The following ITK variants were observed in gnomAD, a reference collection of about 807,000 sequenced individuals.
ITK encodes tyrosine-protein kinase ITK/TSK.
A neutral mutation model predicts 87.6 loss-of-function variants in ITK; 45 were observed. The ratio of observed to expected loss-of-function variants is 0.51; its 90% CI spans 0.40 to 0.66. The LOEUF (loss-of-function observed/expected upper bound fraction) is 0.66. Among genes scored for constraint, ITK ranks in the 30% least tolerant of loss-of-function variants. ITK has a pLI of 0.00. For synonymous variants in ITK, 303 were observed against 273.6 expected (o/e 1.11, Z -1.06); for missense variants, 605 against 766.3 (o/e 0.79, Z 2.48).
chr5:157,244,507 G>T, intron 13 of ITK, 29 bp downstream of exon 13: 2 of 1,276,732 alleles, frequency 1.6e-6, no homozygotes, highest in South Asian at 1.2e-5. Context: ...AACACCCACA[G>T]GTCCAGGGTA....
chr5:157,197,303 C>T (rs1207765891), intron 1 of ITK, among the ~76,000 whole-genome samples: 4 of 152,154 alleles, frequency 2.6e-5, no homozygotes, highest in Non-Finnish European at 2.9e-5. Flanking sequence ...TGGGGTTATG[C>T]GGTTACAAGG....
At chr5:157,226,868 C>G (rs2113763558) in intron 6 of ITK, among the ~76,000 whole-genome samples, 1 of 152,290 alleles carries the variant, frequency 6.6e-6, no homozygotes, top group South Asian at 2.1e-4. Flanking sequence ...GGCACGATCT[C>G]AGCTCATGGC....
chr5:157,194,873 A>C (rs1460461778), intron 1 of ITK, among the ~76,000 whole-genome samples: 1 of 152,234 alleles, frequency 6.6e-6, no homozygotes, highest in Non-Finnish European at 1.5e-5. Flanking sequence ...AGAAATTGCC[A>C]AGCTAAGTTG....
intron 12 of ITK, 93 bp downstream of exon 12, chr5:157,243,887 T>C: frequency 2.5e-6 from 3 of 1,196,912 alleles, no homozygotes; most frequent in Non-Finnish European, 3.7e-6. Flanking sequence ...GGGTACTATC[T>C]CCCTGCGCAA....
Position 157,240,078 on chromosome 5 carries a change from A to T in ITK, c.868A>T (p.Ile290Leu), listed in dbSNP as rs150729024. 2.7e-5 allele frequency: 44 copies of T among 1,611,466 alleles called. No individual in the cohort carries two copies. The highest frequency in any genetic ancestry group is 3.3e-5 in the Non-Finnish European group (39 of 1,177,640). The change falls in exon 10 of 17, where the codon ATA becomes TTA. Residue 290 changes from isoleucine (I) to leucine (L), a missense_variant. Physicochemically the swap from Ile to Leu is conservative, Grantham distance 5 (BLOSUM62 2). This residue lies in a region of ITK where 464 missense variants were observed against 578.0 expected (regional missense o/e 0.80). Coordinates refer to ENST00000422843, the MANE Select transcript of ITK (RefSeq NM_005546.4). Reference sequence around the variant, plus strand: ...TTGTTTAAGTGAGAACAATCCCTGTATAAAGCATTATCACATCAAGGAAAC... The same window carrying T: ...TTGTTTAAGTGAGAACAATCCCTGTTTAAAGCATTATCACATCAAGGAAAC... ...KAVVSENNPC[I>L]KHYHIKETND...
chr5:157,241,575 T>G (rs991355597), intron 10 of ITK, 71 bp from the exon 11 acceptor site: 1 of 1,027,546 alleles, frequency 9.7e-7, no homozygotes, highest in African/African-American at 1.6e-5. Flanking sequence ...TTATTTTTTT[T>G]AGTGATTTAA....
In ITK at chr5:157,222,953, G is replaced by A. The variant is rs777670016; in HGVS notation, c.586G>A (p.Glu196Lys). 17 of 1,614,116 alleles carry A rather than the reference G, an allele frequency of 1.1e-5. No homozygotes were observed. Among genetic ancestry groups the A allele is most frequent in the South Asian group, 7.7e-5 (7 of 91,078 alleles). The change falls in exon 6 of 17, where the codon GAA (glutamate) becomes AAA (lysine). Residue 196 changes from glutamate to lysine, a missense_variant. Transcript: ENST00000422843. Reference protein sequence around the residue: ...DPQELALRRNEEYCLLDSSEI... With the variant: ...DPQELALRRNKEYCLLDSSEI... Reference sequence around the variant, plus strand: ...TCAGGAACTCGCACTGCGGCGCAACGAAGAGTACTGCCTGCTGGACAGTTC... The same window carrying A: ...TCAGGAACTCGCACTGCGGCGCAACAAAGAGTACTGCCTGCTGGACAGTTC...
At chr5:157,237,128 G>C (rs924262478) in intron 8 of ITK, among the ~76,000 whole-genome samples, 2 of 152,186 alleles carry the variant, frequency 1.3e-5, no homozygotes, top group Admixed American at 6.5e-5. Context: ...TAATAGCAAA[G>C]ACATGGAATC....
At chr5:157,194,693 C>G (rs1432011715) in intron 1 of ITK, among the ~76,000 whole-genome samples, 1 of 152,118 alleles carries the variant, frequency 6.6e-6, no homozygotes, top group African/African-American at 2.4e-5. Context: ...TTTAACATGT[C>G]TTTAATAGTT....
intron 1 of ITK, among the ~76,000 whole-genome samples, chr5:157,208,123 T>C (rs1754118609): frequency 6.6e-6 from 1 of 152,234 alleles, no homozygotes; most frequent in Non-Finnish European, 1.5e-5. Flanking sequence ...CTATCTTTCC[T>C]TGGAGCCTGA....
At chr5:157,221,107 T>C (rs2113759961) in intron 5 of ITK, among the ~76,000 whole-genome samples, 1 of 152,238 alleles carries the variant, frequency 6.6e-6, no homozygotes, top group East Asian at 1.9e-4. Context: ...AAATAATATA[T>C]ATAACAAAAT....
At chr5:157,247,435 C>G (rs1484262262) in intron 15 of ITK, among the ~76,000 whole-genome samples, 1 of 152,164 alleles carries the variant, frequency 6.6e-6, no homozygotes, top group East Asian at 1.9e-4. Context: ...GGTGATGAAA[C>G]TGATCACACT....
intron 3 of ITK, among the ~76,000 whole-genome samples, chr5:157,212,052 T>A (rs1754202239): frequency 6.6e-6 from 1 of 152,206 alleles, no homozygotes; most frequent in Non-Finnish European, 1.5e-5. Context: ...GCACATGGGA[T>A]GTGGAGCCAG....
intron 15 of ITK, 127 bp downstream of exon 15, chr5:157,246,126 G>T: frequency 1.3e-6 from 1 of 781,874 alleles, no homozygotes. Context: ...CCCACTGGAG[G>T]GTTGTGTAAG....
At chr5:157,224,602 A>C (rs1484481132) in intron 6 of ITK, among the ~76,000 whole-genome samples, 1 of 152,098 alleles carries the variant, frequency 6.6e-6, no homozygotes, top group Non-Finnish European at 1.5e-5. Context: ...CAACATGGTG[A>C]AACCCCATCT....
chr5:157,221,258 T>G (rs1483066748), intron 5 of ITK, among the ~76,000 whole-genome samples: 1 of 152,062 alleles, frequency 6.6e-6, no homozygotes, highest in Non-Finnish European at 1.5e-5. Context: ...GGGACTCAAC[T>G]ACAGCATTAC....
chr5:157,191,531 A>G (rs766368889), intron 1 of ITK, among the ~76,000 whole-genome samples: 2 of 152,216 alleles, frequency 1.3e-5, no homozygotes, highest in South Asian at 4.1e-4. Context: ...TCAATTTACT[A>G]TCTGTGTCAG....
At position 157,246,215 on chromosome 5, in the gene ITK, T is replaced by C. The variant is rs25776; in HGVS notation, c.1633+216T>C. 0.72 allele frequency among the ~76,000 whole-genome samples: 109,747 copies of C among 152,114 alleles called. 39,959 individuals carry two copies. Among genetic ancestry groups the C allele is most frequent in the East Asian group, 0.98 (5,052 of 5,180 alleles). ...TACTGGACATGGTGGTGGGAGTTAATTAAAAGTGGAAACAAGAGTTCTGGT... is the reference window on the plus strand; with the variant it reads ...TACTGGACATGGTGGTGGGAGTTAACTAAAAGTGGAAACAAGAGTTCTGGT... On this transcript the variant is annotated intron_variant, in intron 15 of 16. Coordinates refer to ENST00000422843, the MANE Select transcript of ITK (RefSeq NM_005546.4).
At chr5:157,243,194 T>C (rs1023073610) in intron 11 of ITK, among the ~76,000 whole-genome samples, 41 of 152,220 alleles carry the variant, frequency 2.7e-4, no homozygotes, top group African/African-American at 9.6e-4. Context: ...AAATTCTCTT[T>C]AAATCTTTCT....
Sources: allele counts gnomAD v4.1 joint callset (sites outside exome capture counted in the v4.1 genomes callset), GRCh38; gene constraint gnomAD v4.1.1; regional missense constraint gnomAD v4.1.1; transcripts MANE v1.5; gene names NCBI Gene and HGNC (gene_info 2026-07-23, HGNC 2026-07-21).